The following TBX19 variants were observed in gnomAD, a reference collection of about 807,000 sequenced individuals.
The protein encoded by TBX19 is T-box transcription factor 19, also known as T-box transcription factor TBX19.
In TBX19, 33 loss-of-function variants were observed where a neutral mutation model predicts 40.9. The observed-to-expected ratio is 0.81, with a 90% confidence interval of 0.61 to 1.08. The LOEUF (loss-of-function observed/expected upper bound fraction) is 1.08. Ranked by LOEUF, TBX19 falls within the 50% of genes least tolerant of loss-of-function variation. The pLI is 0.00. For missense variants in TBX19, 494 were observed against 574.0 expected, an observed-to-expected ratio of 0.86 and a Z score of 1.42; for synonymous variants, 220 against 225.0, an observed-to-expected ratio of 0.98 and a Z score of 0.20.
chr1:168,311,900 G>T (rs1292677801), intron 7 of TBX19, among the ~76,000 whole-genome samples: 1 of 152,260 alleles, frequency 6.6e-6, no homozygotes, highest in East Asian at 1.9e-4. Context: ...AATCTCTGGG[G>T]CAGGGGAGTG....
At chr1:168,287,495 C>T (rs908553185) in intron 1 of TBX19, among the ~76,000 whole-genome samples, 1 of 152,008 alleles carries the variant, frequency 6.6e-6, no homozygotes, top group African/African-American at 2.4e-5. Flanking sequence ...GATGGGGTCT[C>T]GCTAAATTGA....
At chr1:168,297,602 G>A (rs769216569) in intron 3 of TBX19, 122 bp from the exon 4 acceptor site, 17 of 858,908 alleles carry the variant, frequency 2.0e-5, no homozygotes, top group South Asian at 9.9e-5. Context: ...ATAAGCCATC[G>A]TGCCTGGTGG....
chr1:168,291,323 T>C lies in TBX19; in HGVS notation c.367T>C (p.Tyr123His). 6.2e-7 allele frequency: 1 copy of C among 1,614,228 alleles called. No individual in the cohort carries two copies. Among genetic ancestry groups the C allele is most frequent in the Non-Finnish European group, 8.5e-7 (1 of 1,180,046 alleles). The change falls in exon 2 of 8, where the codon TAC becomes CAC. Residue 123 changes from tyrosine (Y) to histidine (H), a missense_variant. Physicochemically the swap from Tyr to His is moderately conservative, Grantham distance 83. Coordinates refer to ENST00000367821, the MANE Select transcript of TBX19 (RefSeq NM_005149.3). ...AGAGGTCTCCAGCCACAGCTGCGTC[T>C]ACATTCACCCGGACTCCCCCAACTT... ...KPEVSSHSCV[Y>H]IHPDSPNFGA... is the part of the protein sequence containing the mutation.
At chr1:168,309,836 A>G (rs750657116) in intron 7 of TBX19, among the ~76,000 whole-genome samples, 3 of 152,194 alleles carry the variant, frequency 2.0e-5, no homozygotes, top group Non-Finnish European at 4.4e-5. Flanking sequence ...TCTTATCGGT[A>G]TCATGGAAAT....
intron 3 of TBX19, among the ~76,000 whole-genome samples, chr1:168,295,064 G>T (rs1261102786): frequency 1.3e-5 from 2 of 152,056 alleles, no homozygotes; most frequent in Admixed American, 1.3e-4. Flanking sequence ...AGGCCAAGGC[G>T]GGCAGATCAT....
At chr1:168,303,496 C>T (rs1236074927) in intron 5 of TBX19, among the ~76,000 whole-genome samples, 1 of 152,202 alleles carries the variant, frequency 6.6e-6, no homozygotes, top group African/African-American at 2.4e-5. Context: ...AAAGATGTTA[C>T]TGAGAAGGGG....
At chr1:168,282,297 G>A (rs3767481) in intron 1 of TBX19, among the ~76,000 whole-genome samples, 13,872 of 152,138 alleles carry the variant, frequency 0.091, 1,197 homozygotes, top group African/African-American at 0.22. Flanking sequence ...AAGTGCTTCC[G>A]TTCCTGATGT....
At chr1:168,293,575 C>T (rs1391460651) in intron 3 of TBX19, among the ~76,000 whole-genome samples, 3 of 152,024 alleles carry the variant, frequency 2.0e-5, no homozygotes. Flanking sequence ...TTGTCAGGAC[C>T]CTATGTGTCC....
chr1:168,284,233 T>C (rs1302065463), intron 1 of TBX19, among the ~76,000 whole-genome samples: 3 of 152,224 alleles, frequency 2.0e-5, no homozygotes, highest in Non-Finnish European at 4.4e-5. Context: ...CCTTTAGATA[T>C]AACAGTAATA....
At chr1:168,286,884 A>G (rs1572473164) in intron 1 of TBX19, among the ~76,000 whole-genome samples, 1 of 152,178 alleles carries the variant, frequency 6.6e-6, no homozygotes, top group Non-Finnish European at 1.5e-5. Context: ...ATCTTCACCA[A>G]TGCTTTTTAT....
intron 1 of TBX19, among the ~76,000 whole-genome samples, chr1:168,282,146 A>G (rs574121391): frequency 6.6e-6 from 1 of 152,320 alleles, no homozygotes; most frequent in Non-Finnish European, 1.5e-5. Context: ...CATGGTCACA[A>G]AAGTACAAAA....
chr1:168,292,736 C>T (rs991789250), intron 2 of TBX19, among the ~76,000 whole-genome samples: 13 of 151,794 alleles, frequency 8.6e-5, no homozygotes, highest in Middle Eastern at 3.2e-3. Context: ...TGGTGGCGGG[C>T]GCCTGTAGTC....
Position 168,305,177 on chromosome 1 carries a change from C to A in TBX19, c.897C>A (p.His299Gln). ...RQAPYPSAYM[H>Q]RNHSPSVNLI... The stretch of plus-strand genomic sequence containing the variant: ...CTCCCTACCCTTCTGCGTACATGCA[C>A]AGAAACCATTCTCCCTCAGGTCTGT... Residue 299 changes from histidine (H) to glutamine (Q), a missense_variant, in exon 6 of 8, where the codon CAC (histidine) becomes CAA (glutamine). Transcript: ENST00000367821. 1 of 1,612,610 alleles carries A rather than the reference C, an allele frequency of 6.2e-7. No homozygotes were observed. The highest frequency in any genetic ancestry group is 8.5e-7 in the Non-Finnish European group (1 of 1,180,014).
At chr1:168,312,561 A>G (rs1649550273) in intron 7 of TBX19, 147 bp from the exon 8 acceptor site, 1 of 879,352 alleles carries the variant, frequency 1.1e-6, no homozygotes, top group African/African-American at 1.6e-5. Context: ...AACAGGACCA[A>G]TCTGCGTCAT....
chr1:168,304,876 G>T (rs752106772), intron 5 of TBX19, 132 bp from the exon 6 acceptor site: 1 of 928,864 alleles, frequency 1.1e-6, no homozygotes, highest in Non-Finnish European at 1.7e-6. Context: ...CACCACACAG[G>T]CTGGCACCAT....
chr1:168,299,070 T>G (rs1317512287), intron 4 of TBX19, among the ~76,000 whole-genome samples: 3 of 150,856 alleles, frequency 2.0e-5, no homozygotes, highest in African/African-American at 7.3e-5. Flanking sequence ...GCCACCACCA[T>G]GCCCAGCTAA....
chr1:168,293,286 T>A lies in TBX19; in HGVS notation c.603+8T>A, dbSNP rs1164040851. 31 of 866,756 alleles carry A rather than the reference T, an allele frequency of 3.6e-5. No individual in the cohort carries two copies. The highest frequency in any genetic ancestry group is 2.2e-4 in the Admixed American group (7 of 31,384). The allele number at this position is 866,756 out of a possible 1,614,324, so 53.7% of individuals were successfully genotyped here. A position where few individuals can be genotyped will look rare whatever the true frequency, so the allele number is the denominator to read the frequency against. On this transcript the variant is annotated splice_region_variant and intron_variant, in intron 3 of 7. Transcript: ENST00000367821. ...GCCTATCAGAATGAGGAGGTAAGAG[T>A]GTGTGTGTGTGTGTGTGTGTGTGTG...
intron 1 of TBX19, among the ~76,000 whole-genome samples, chr1:168,286,872 A>G (rs1176567356): frequency 2.6e-5 from 4 of 152,212 alleles, no homozygotes; most frequent in Non-Finnish European, 5.9e-5. Flanking sequence ...CAATTTCTCT[A>G]CATCTTCACC....
chr1:168,303,338 A>T (rs1299283997), intron 5 of TBX19, among the ~76,000 whole-genome samples: 1 of 152,092 alleles, frequency 6.6e-6, no homozygotes, highest in African/African-American at 2.4e-5. Flanking sequence ...GATGGTTTCC[A>T]CCTTCATCCA....
Sources: gnomAD v4.1 joint callset for allele counts (sites outside exome capture counted in the v4.1 genomes callset) on GRCh38, gnomAD v4.1.1 for gene constraint, MANE v1.5 for transcripts, NCBI Gene and HGNC (gene_info 2026-07-23, HGNC 2026-07-21) for gene names.